RASL10B: variants seen among roughly 807,000 people sequenced by gnomAD.
RASL10B encodes the protein RAS like family 10 member B, also known as ras-like protein family member 10B.
In RASL10B, 10 loss-of-function variants were observed where a neutral mutation model predicts 20.7. That is an observed-to-expected ratio of 0.48 (90% CI 0.30 to 0.82). RASL10B has a LOEUF of 0.82. RASL10B is among the 40% of genes least tolerant of loss of function. RASL10B has a pLI of 0.07. For synonymous variants in RASL10B, 110 were observed against 123.3 expected (o/e 0.89, Z 0.72); for missense variants, 231 against 295.4 (o/e 0.78, Z 1.60).
At chr17:35,732,285 A>T (rs1362434857) in intron 1 of RASL10B, among the ~76,000 whole-genome samples, 2 of 152,204 alleles carry the variant, frequency 1.3e-5, no homozygotes, top group East Asian at 3.9e-4. Context: ...CCAGGTGTCC[A>T]GACGCAGGGA....
rs78683807 is a variant in RASL10B, at chr17:35,742,570, C to G, written c.*1265C>G. The G allele has an allele frequency of 4.6e-4, 70 of 152,794 alleles. 1 individual carries two copies. The highest frequency in any genetic ancestry group is 1.6e-3 in the African/African-American group (66 of 41,576). 9.5% of individuals were successfully genotyped at this position (152,794 alleles called of 1,614,324 possible). On this transcript the variant is annotated 3_prime_UTR_variant, in exon 4 of 4. Transcript: ENST00000603017. ...GGGTTTCTACCTCTCGTCACCGGAG[C>G]TGATCACTGTCAGTTTTGTACCGAT...
In RASL10B at chr17:35,741,413, G is replaced by T. The variant is rs181081691; in HGVS notation, c.*108G>T. The T allele has an allele frequency of 1.5e-5, 20 of 1,346,204 alleles. No homozygotes were observed. In the East Asian group the frequency reaches 5.5e-4, roughly 37 times the overall value. 83.4% of individuals were successfully genotyped at this position (1,346,204 alleles called of 1,614,324 possible). A position where few individuals can be genotyped will look rare whatever the true frequency, so the allele number is the denominator to read the frequency against. The stretch of plus-strand genomic sequence containing the variant: ...GGGAAATGGAACTGTGACGGTCCCG[G>T]CCTGAGGCCCCTGCAGCCACGCACC... On this transcript the variant is annotated 3_prime_UTR_variant, in exon 4 of 4. Transcript: ENST00000603017.
intron 2 of RASL10B, 80 bp from the exon 3 acceptor site, chr17:35,740,329 C>T (rs781797898): frequency 1.4e-5 from 21 of 1,549,364 alleles, no homozygotes; most frequent in Non-Finnish European, 1.5e-5. Context: ...GAGAGCACTG[C>T]CCCTCTGATG....
rs927682571 is a variant in RASL10B at position 35,742,276 on chromosome 17, G to T, written c.*971G>T. 5 of 152,382 alleles carry T rather than the reference G, an allele frequency of 3.3e-5. No individual in the cohort carries two copies. The highest frequency in any genetic ancestry group is 7.3e-5 in the Non-Finnish European group (5 of 68,262). The allele number at this position is 152,382 out of a possible 1,614,324, so 9.4% of individuals were successfully genotyped here. A position where few individuals can be genotyped will look rare whatever the true frequency, so the allele number is the denominator to read the frequency against. On this transcript the variant is annotated 3_prime_UTR_variant, in exon 4 of 4. Coordinates refer to ENST00000603017, the MANE Select transcript of RASL10B (RefSeq NM_033315.4). ...AGGATGGTGCCCAGAAGGGGGTTAG[G>T]TTGTCCCAGTGAAAATTCTGTTGCC...
Position 35,735,907 on chromosome 17 carries a change from G to A in RASL10B, c.216+507G>A, listed in dbSNP as rs587744698. Among the ~76,000 whole-genome samples the A allele has an allele frequency of 1.4e-4, 21 of 152,244 alleles. No homozygotes were observed. The highest frequency in any genetic ancestry group is 7.4e-5 in the Non-Finnish European group (5 of 68,014). On this transcript the variant is annotated intron_variant, in intron 2 of 3. Coordinates refer to ENST00000603017, the MANE Select transcript of RASL10B (RefSeq NM_033315.4). The surrounding 1 kb of genome is among the most constrained non-coding windows in gnomAD (Gnocchi z 6.7). ...GAACACTAGGCTACTGTGAGTATTCGGAGCTGTGCCTACCGTAACCTCACT... is the reference window on the plus strand; with the variant it reads ...GAACACTAGGCTACTGTGAGTATTCAGAGCTGTGCCTACCGTAACCTCACT...
intron 1 of RASL10B, among the ~76,000 whole-genome samples, chr17:35,734,268 A>T (rs1032575001): frequency 5.9e-5 from 9 of 152,224 alleles, no homozygotes; most frequent in African/African-American, 2.2e-4. Context: ...CCAACTTGAA[A>T]GTTGGAAGAA....
At chr17:35,740,345 T>C in intron 2 of RASL10B, 64 bp from the exon 3 acceptor site, 2 of 1,567,258 alleles carry the variant, frequency 1.3e-6, no homozygotes, top group Non-Finnish European at 8.7e-7. Flanking sequence ...TGATGGGAGG[T>C]GTTTGGGGGC....
At chr17:35,733,755 T>C (rs957761187) in intron 1 of RASL10B, among the ~76,000 whole-genome samples, 3 of 152,218 alleles carry the variant, frequency 2.0e-5, no homozygotes, top group African/African-American at 7.2e-5. Context: ...GAGATTTACT[T>C]GGATTTTCTC....
At chr17:35,732,423 A>G (rs2085564187) in intron 1 of RASL10B, among the ~76,000 whole-genome samples, 1 of 152,242 alleles carries the variant, frequency 6.6e-6, no homozygotes, top group South Asian at 2.1e-4. Flanking sequence ...GAAAGCGCTC[A>G]GGGGCCTGGG....
intron 2 of RASL10B, among the ~76,000 whole-genome samples, chr17:35,736,547 A>C (rs1434477000): frequency 6.6e-6 from 1 of 152,210 alleles, no homozygotes; most frequent in Non-Finnish European, 1.5e-5. Context: ...GGAAGCAGTG[A>C]GGCTGAGCCT....
At chr17:35,738,798 C>T (rs1310769816) in intron 2 of RASL10B, among the ~76,000 whole-genome samples, 2 of 152,130 alleles carry the variant, frequency 1.3e-5, no homozygotes, top group Non-Finnish European at 2.9e-5. Context: ...AAGGAGGCAA[C>T]ATGTTGGGGG....
chr17:35,739,631 TTC>T (rs1325901188), intron 2 of RASL10B, among the ~76,000 whole-genome samples: 2 of 152,168 alleles, frequency 1.3e-5, no homozygotes, highest in African/African-American at 2.4e-5. Flanking sequence ...CTGAATCTTT[TTC>T]TGTTTCTCAA....
chr17:35,740,263 G>A (rs1323979413), intron 2 of RASL10B, 146 bp from the exon 3 acceptor site: 12 of 998,748 alleles, frequency 1.2e-5, no homozygotes, highest in African/African-American at 6.5e-5. Context: ...CATTCTCCCT[G>A]GGCCTGGTCT....
rs1196204566 is a variant in RASL10B at position 35,743,362 on chromosome 17, G to A, written c.*2057G>A. ...CCGCCTCCACCTCAACCCAGGTCTTGGATTTCAGGTCCCTCCACCCCCATT... is the reference window on the plus strand; with the variant it reads ...CCGCCTCCACCTCAACCCAGGTCTTAGATTTCAGGTCCCTCCACCCCCATT... On this transcript the variant is annotated 3_prime_UTR_variant, in exon 4 of 4. Coordinates refer to ENST00000603017, the MANE Select transcript of RASL10B (RefSeq NM_033315.4). 1 of 152,854 alleles carries A rather than the reference G, an allele frequency of 6.5e-6. No homozygotes were observed. The highest frequency in any genetic ancestry group is 2.4e-5 in the African/African-American group (1 of 41,448). 9.5% of individuals were successfully genotyped at this position (152,854 alleles called of 1,614,324 possible). A position where few individuals can be genotyped will look rare whatever the true frequency, so the allele number is the denominator to read the frequency against.
chr17:35,734,845 G>A (rs2085580107), intron 1 of RASL10B, among the ~76,000 whole-genome samples, 193 bp from the exon 2 acceptor site: 1 of 152,080 alleles, frequency 6.6e-6, no homozygotes, highest in Admixed American at 6.5e-5. Flanking sequence ...AAGAAAGATT[G>A]GGCCCTACTA....
intron 2 of RASL10B, among the ~76,000 whole-genome samples, chr17:35,738,282 A>T (rs2085607478): frequency 6.6e-6 from 1 of 152,020 alleles, no homozygotes; most frequent in African/African-American, 2.4e-5. Context: ...GATATCCAAG[A>T]TTTCACTCCT....
chr17:35,741,550 C>T lies in RASL10B; in HGVS notation c.*245C>T. On this transcript the variant is annotated 3_prime_UTR_variant, in exon 4 of 4. Transcript: ENST00000603017. ...CTTCAGTGCTGTATTTAGTGCAGTG[C>T]CCGGCCCGACCCGCGGGGGTGCCAC... The T allele has an allele frequency of 2.1e-6, 1 of 471,828 alleles. No individual in the cohort carries two copies. The allele number at this position is 471,828 out of a possible 1,614,324, so 29.2% of individuals were successfully genotyped here. A position where few individuals can be genotyped will look rare whatever the true frequency, so the allele number is the denominator to read the frequency against.
In RASL10B at chr17:35,740,521, T is replaced by C. The variant is rs1555597757; in HGVS notation, c.329T>C (p.Ile110Thr). Residue 110 changes from isoleucine to threonine, a missense_variant, in exon 3 of 4, where the codon ATC (isoleucine) becomes ACC (threonine). Ile to Thr is a moderately conservative substitution (Grantham distance 89). Coordinates refer to ENST00000603017, the MANE Select transcript of RASL10B (RefSeq NM_033315.4). ...TACGTCAAGACCATCCGCCAGCAGA[T>C]CCTGGAGACGAGGTGAGAGGCTGGA... ...FEYVKTIRQQ[I>T]LETRVIGTSE... 3 of 1,613,644 alleles carry C rather than the reference T, an allele frequency of 1.9e-6. No individual in the cohort carries two copies. Among genetic ancestry groups the C allele is most frequent in the Non-Finnish European group, 2.5e-6 (3 of 1,179,774 alleles).
chr17:35,731,982 G>C (rs1427618482), intron 1 of RASL10B, 104 bp downstream of exon 1: 1 of 151,024 alleles, frequency 6.6e-6, no homozygotes, highest in Admixed American at 6.6e-5. Flanking sequence ...GCCTGGGCGA[G>C]GGGCGTCCGG....
Sources: gnomAD v4.1 joint callset for allele counts (sites outside exome capture counted in the v4.1 genomes callset) on GRCh38, gnomAD v4.1.1 for gene constraint, Gnocchi (gnomAD v3.1) non-coding constraint, MANE v1.5 for transcripts, NCBI Gene and HGNC (gene_info 2026-07-23, HGNC 2026-07-21) for gene names.